SHISA6: variants seen among roughly 807,000 people sequenced by gnomAD.
SHISA6 encodes the protein shisa family member 6.
In SHISA6, 22 loss-of-function variants were observed where a neutral mutation model predicts 47.9. The observed-to-expected ratio is 0.46, with a 90% CI of 0.33 to 0.66. SHISA6 has a LOEUF of 0.66. SHISA6 is among the 30% of genes least tolerant of loss of function. The pLI, the probability that SHISA6 is intolerant of heterozygous loss-of-function variation, is 0.02. For synonymous variants in SHISA6, 388 were observed against 337.8 expected, an observed-to-expected ratio of 1.15 and a Z score of -1.63; for missense variants, 680 against 764.6, an observed-to-expected ratio of 0.89 and a Z score of 1.30.
intron 3 of SHISA6, among the ~76,000 whole-genome samples, chr17:11,528,635 C>T (rs1310950442): frequency 1.3e-5 from 2 of 152,086 alleles, no homozygotes; most frequent in African/African-American, 2.4e-5. Flanking sequence ...TGGAAATATT[C>T]ACTTAATAAC....
At chr17:11,397,657 C>T (rs1362420512) in intron 3 of SHISA6, among the ~76,000 whole-genome samples, 2 of 150,960 alleles carry the variant, frequency 1.3e-5, no homozygotes, top group Non-Finnish European at 2.9e-5. Context: ...CCCATTGTTG[C>T]CTTGCTTTCT....
chr17:11,307,960 A>G (rs1240687202), intron 2 of SHISA6, among the ~76,000 whole-genome samples: 29 of 152,160 alleles, frequency 1.9e-4, no homozygotes, highest in Admixed American at 1.8e-3. Context: ...AAAGGAGTGT[A>G]CTAGAAAAAA....
chr17:11,455,133 C>T (rs1450168288), intron 3 of SHISA6, among the ~76,000 whole-genome samples: 1 of 152,130 alleles, frequency 6.6e-6, no homozygotes, highest in African/African-American at 2.4e-5. Flanking sequence ...CACGCCACTG[C>T]ACTCCAGCCT....
intron 2 of SHISA6, among the ~76,000 whole-genome samples, chr17:11,268,554 G>A (rs2142150445): frequency 6.6e-6 from 1 of 152,250 alleles, no homozygotes; most frequent in Middle Eastern, 3.4e-3. Flanking sequence ...TTGTTTTGTG[G>A]AATCTGTTGC....
chr17:11,242,478 T>A (rs866027728), intron 1 of SHISA6, among the ~76,000 whole-genome samples: 1 of 152,214 alleles, frequency 6.6e-6, no homozygotes, highest in African/African-American at 2.4e-5. Context: ...TGTTGGAACC[T>A]TACTGAAAGC....
At chr17:11,455,403 AAAT>A (rs1483961862) in intron 3 of SHISA6, among the ~76,000 whole-genome samples, 2 of 152,212 alleles carry the variant, frequency 1.3e-5, no homozygotes, top group East Asian at 3.8e-4. Context: ...GTGAGACTAA[AAAT>A]AATAATGATG....
intron 3 of SHISA6, among the ~76,000 whole-genome samples, chr17:11,524,070 TGAAAGAAAGAAAAA>T (rs2071654982): frequency 7.1e-6 from 1 of 140,962 alleles, no homozygotes; most frequent in Non-Finnish European, 1.6e-5. Flanking sequence ...GAAAGAAAGA[TGAAAGAAAGAAAAA>T]GAAAGAAAGA....
rs183180659 is a variant in SHISA6 at position 11,333,716 on chromosome 17, T to C, written c.800-45698T>C. ...TTTTAGTAGAGATGGGGTTTCACCA[T>C]GTTGGCCAGGCTGGTCTCAAACTCC... On this transcript the variant is annotated intron_variant, in intron 2 of 5. Transcript: ENST00000441885. 5.5e-3 allele frequency among the ~76,000 whole-genome samples: 832 copies of C among 152,236 alleles called. 1 individual carries two copies. The highest frequency in any genetic ancestry group is 9.1e-3 in the Non-Finnish European group (617 of 68,004).
At chr17:11,469,137 G>A (rs1409485717) in intron 3 of SHISA6, among the ~76,000 whole-genome samples, 2 of 151,372 alleles carry the variant, frequency 1.3e-5, no homozygotes, top group East Asian at 3.9e-4. Flanking sequence ...CAAAATAATG[G>A]CCCCAAAGAT....
At chr17:11,255,879 T>C (rs73293729) in intron 1 of SHISA6, among the ~76,000 whole-genome samples, 6,674 of 152,302 alleles carry the variant, frequency 0.044, 481 homozygotes, top group African/African-American at 0.15. Flanking sequence ...TTGGATTTAT[T>C]TATTAGTCAA....
At chr17:11,398,318 G>GTGA (rs889738642) in intron 3 of SHISA6, among the ~76,000 whole-genome samples, 1 of 152,020 alleles carries the variant, frequency 6.6e-6, no homozygotes, top group African/African-American at 2.4e-5. Flanking sequence ...GGATATGATG[G>GTGA]TGATGATGAT....
At chr17:11,387,431 C>T (rs1463696580) in intron 3 of SHISA6, among the ~76,000 whole-genome samples, 1 of 152,124 alleles carries the variant, frequency 6.6e-6, no homozygotes, top group South Asian at 2.1e-4. Context: ...CTTGACTGTG[C>T]AAACCCACCG....
intron 2 of SHISA6, among the ~76,000 whole-genome samples, chr17:11,335,743 T>G (rs914014640): frequency 6.6e-6 from 1 of 152,172 alleles, no homozygotes; most frequent in Non-Finnish European, 1.5e-5. Flanking sequence ...AGACTTGAGT[T>G]CCTTCTCTGG....
At chr17:11,327,957 C>G (rs1910961542) in intron 2 of SHISA6, among the ~76,000 whole-genome samples, 1 of 152,012 alleles carries the variant, frequency 6.6e-6, no homozygotes, top group Non-Finnish European at 1.5e-5. Flanking sequence ...GTCTCTCTCT[C>G]TCTCATAGAT....
intron 3 of SHISA6, among the ~76,000 whole-genome samples, chr17:11,393,014 C>T (rs1367790444): frequency 6.6e-6 from 1 of 152,250 alleles, no homozygotes; most frequent in East Asian, 1.9e-4. Flanking sequence ...GGAAGCCTCG[C>T]TCTTGAGCAT....
At chr17:11,550,048 G>A (rs1170404067) in intron 3 of SHISA6, among the ~76,000 whole-genome samples, 1 of 151,720 alleles carries the variant, frequency 6.6e-6, no homozygotes, top group Non-Finnish European at 1.5e-5. Flanking sequence ...ACTGGATAGT[G>A]TGCTTGACAT....
intron 3 of SHISA6, among the ~76,000 whole-genome samples, chr17:11,498,441 T>C (rs1012552413): frequency 3.3e-5 from 5 of 152,182 alleles, no homozygotes; most frequent in Non-Finnish European, 7.3e-5. Flanking sequence ...GAATATGAAC[T>C]AGTGTTCAAT....
chr17:11,251,649 C>T (rs1340586392), intron 1 of SHISA6, among the ~76,000 whole-genome samples: 3 of 152,170 alleles, frequency 2.0e-5, no homozygotes, highest in Non-Finnish European at 4.4e-5. Flanking sequence ...TAACATCTAG[C>T]ATCGTGCATG....
In SHISA6 at chr17:11,559,176, G is replaced by T. The variant is rs1400503179; in HGVS notation, c.*872G>T. 2 of 152,624 alleles carry T rather than the reference G, an allele frequency of 1.3e-5. No individual in the cohort carries two copies. The highest frequency in any genetic ancestry group is 4.8e-5 in the African/African-American group (2 of 41,456). The allele number at this position is 152,624 out of a possible 1,614,324, so 9.5% of individuals were successfully genotyped here. ...TAGCAATGGGGTGCTGGCCCTCCCA[G>T]ACACCCGATCATCTCCGCACTCCCT... On this transcript the variant is annotated 3_prime_UTR_variant, in exon 6 of 6. Coordinates refer to ENST00000441885, the MANE Select transcript of SHISA6 (RefSeq NM_207386.4). The surrounding 1 kb of genome is among the most constrained non-coding windows in gnomAD (Gnocchi z 4.4).
Sources: gnomAD v4.1 joint callset for allele counts (sites outside exome capture counted in the v4.1 genomes callset) on GRCh38, gnomAD v4.1.1 for gene constraint, Gnocchi (gnomAD v3.1) non-coding constraint, MANE v1.5 for transcripts, NCBI Gene and HGNC (gene_info 2026-07-23, HGNC 2026-07-21) for gene names.